PLXDC2: variants seen among roughly 807,000 people sequenced by gnomAD.
PLXDC2 encodes the protein plexin domain containing 2, also known as plexin domain-containing protein 2.
PLXDC2 carries 40 observed loss-of-function variants against 68.9 expected under a neutral mutation model. The ratio of observed to expected loss-of-function variants is 0.58; its 90% CI spans 0.45 to 0.76. The LOEUF is 0.76. Among genes scored for constraint, PLXDC2 ranks in the 30% least tolerant of loss-of-function variants. PLXDC2 has a pLI of 0.00. For synonymous variants in PLXDC2, 243 were observed against 234.2 expected, an observed-to-expected ratio of 1.04 and a Z score of -0.34; for missense variants, 644 against 661.9, an observed-to-expected ratio of 0.97 and a Z score of 0.30.
chr10:20,026,433 A>G (rs1363780559), intron 2 of PLXDC2, among the ~76,000 whole-genome samples: 1 of 152,186 alleles, frequency 6.6e-6, no homozygotes, highest in Non-Finnish European at 1.5e-5. Flanking sequence ...AAACTGGTCA[A>G]TTTAATCATG....
At chr10:20,271,500 C>T (rs1835940235) in intron 13 of PLXDC2, among the ~76,000 whole-genome samples, 1 of 152,112 alleles carries the variant, frequency 6.6e-6, no homozygotes, top group African/African-American at 2.4e-5. Flanking sequence ...ACTGACTTTC[C>T]AATGGAAATT....
intron 12 of PLXDC2, among the ~76,000 whole-genome samples, chr10:20,244,157 G>C (rs1835557388): frequency 6.6e-6 from 1 of 152,070 alleles, no homozygotes; most frequent in African/African-American, 2.4e-5. Context: ...ATTATGTCAT[G>C]ATTCAGAATA....
intron 1 of PLXDC2, among the ~76,000 whole-genome samples, chr10:19,901,524 A>T (rs1430750199): frequency 1.3e-5 from 2 of 151,560 alleles, no homozygotes; most frequent in Non-Finnish European, 1.5e-5. Flanking sequence ...TGATGGGATC[A>T]TTTGTTTTTT....
At chr10:19,938,446 T>A (rs1398965808) in intron 1 of PLXDC2, among the ~76,000 whole-genome samples, 1 of 152,156 alleles carries the variant, frequency 6.6e-6, no homozygotes. Flanking sequence ...GGAGGTTTAC[T>A]GATGGTGGAA....
At chr10:19,973,690 A>T (rs12247327) in intron 1 of PLXDC2, among the ~76,000 whole-genome samples, 17,096 of 152,164 alleles carry the variant, frequency 0.11, 1,066 homozygotes, top group East Asian at 0.25. Flanking sequence ...GTGATGATGA[A>T]TTGCCAGTCT....
chr10:20,212,086 G>A (rs1169625036), intron 10 of PLXDC2, among the ~76,000 whole-genome samples: 2 of 151,934 alleles, frequency 1.3e-5, no homozygotes, highest in Admixed American at 6.6e-5. Context: ...GGAGGAGTGA[G>A]GGGAGCTTGT....
intron 1 of PLXDC2, among the ~76,000 whole-genome samples, chr10:19,908,902 A>G (rs1158435862): frequency 6.6e-6 from 1 of 152,162 alleles, no homozygotes; most frequent in East Asian, 1.9e-4. Context: ...GAGCATTGCT[A>G]TATTAAGACC....
intron 12 of PLXDC2, among the ~76,000 whole-genome samples, chr10:20,238,824 G>C (rs1186628901): frequency 6.7e-6 from 1 of 150,338 alleles, no homozygotes; most frequent in African/African-American, 2.5e-5. Flanking sequence ...TGATAGAATT[G>C]ACAGTTCTTA....
chr10:19,994,947 T>C (rs1309485388), intron 1 of PLXDC2, among the ~76,000 whole-genome samples: 4 of 152,050 alleles, frequency 2.6e-5, no homozygotes, highest in Non-Finnish European at 4.4e-5. Flanking sequence ...TTTCACCACG[T>C]TGGCCAGCCT....
chr10:19,955,074 A>ATTT (rs750051734), intron 1 of PLXDC2, among the ~76,000 whole-genome samples: 1,450 of 99,148 alleles, frequency 0.015, 57 homozygotes, highest in East Asian at 0.035. Context: ...CCTTTCACTG[A>ATTT]TTTTTTTTTT....
At chr10:19,992,476 C>T (rs1437357813) in intron 1 of PLXDC2, among the ~76,000 whole-genome samples, 2 of 152,126 alleles carry the variant, frequency 1.3e-5, no homozygotes, top group Admixed American at 6.6e-5. Flanking sequence ...ATAAATCACA[C>T]AGATTTTATA....
At chr10:19,929,123 A>G (rs1833586605) in intron 1 of PLXDC2, among the ~76,000 whole-genome samples, 1 of 151,862 alleles carries the variant, frequency 6.6e-6, no homozygotes, top group South Asian at 2.1e-4. Context: ...TCACGCCTCT[A>G]ATCCCAGCAC....
intron 1 of PLXDC2, among the ~76,000 whole-genome samples, chr10:19,982,563 A>G (rs999494257): frequency 1.4e-4 from 21 of 152,218 alleles, no homozygotes; most frequent in Admixed American, 2.0e-4. Flanking sequence ...ATGTTTTTAT[A>G]CAGGATCGGT....
intron 1 of PLXDC2, among the ~76,000 whole-genome samples, chr10:19,855,444 T>A (rs1349434532): frequency 6.6e-6 from 1 of 152,180 alleles, no homozygotes; most frequent in African/African-American, 2.4e-5. Context: ...TTCAGGCAAT[T>A]TATTTGAACT....
chr10:20,157,806 T>C (rs890108896), intron 6 of PLXDC2, among the ~76,000 whole-genome samples: 5 of 152,206 alleles, frequency 3.3e-5, no homozygotes, highest in Non-Finnish European at 7.3e-5. Context: ...TATCTCTATC[T>C]TGTTATATAG....
In PLXDC2 at chr10:19,959,938, C is replaced by G. The variant is rs556042957; in HGVS notation, c.113-41837C>G. ...CTGTCACCTACCTATTTTTTCTGTG[C>G]TGTACTATGTGGCACAGATGTGAAA... is the stretch of plus-strand genomic sequence containing the variant. On this transcript the variant is annotated intron_variant, in intron 1 of 13. Transcript: ENST00000377252. 5.9e-4 allele frequency among the ~76,000 whole-genome samples: 90 copies of G among 152,230 alleles called. 2 individuals carry two copies. The highest frequency in any genetic ancestry group is 2.1e-3 in the African/African-American group (86 of 41,516).
At chr10:19,965,720 G>GTTT (rs1834236368) in intron 1 of PLXDC2, among the ~76,000 whole-genome samples, 2 of 86,468 alleles carry the variant, frequency 2.3e-5, no homozygotes, top group East Asian at 4.9e-4. Context: ...GTTTTTTTTG[G>GTTT]GGGGGGGGGT....
chr10:19,931,209 C>T (rs1339086814), intron 1 of PLXDC2, among the ~76,000 whole-genome samples: 1 of 152,214 alleles, frequency 6.6e-6, no homozygotes, highest in Non-Finnish European at 1.5e-5. Context: ...CCTTTGTGAG[C>T]TGAACTTGGA....
At chr10:20,265,527 T>C (rs1835860997) in intron 13 of PLXDC2, among the ~76,000 whole-genome samples, 2 of 152,226 alleles carry the variant, frequency 1.3e-5, no homozygotes, top group Admixed American at 1.3e-4. Flanking sequence ...TTTACACATA[T>C]ACATGCACAT....
Sources: allele counts gnomAD v4.1 joint callset (sites outside exome capture counted in the v4.1 genomes callset), GRCh38; gene constraint gnomAD v4.1.1; transcripts MANE v1.5; gene names NCBI Gene and HGNC (gene_info 2026-07-23, HGNC 2026-07-21).